The following CASK variants were observed in gnomAD, a reference collection of about 807,000 sequenced individuals.
CASK encodes calcium/calmodulin dependent serine protein kinase, also known as peripheral plasma membrane protein CASK.
CASK carries 4 observed loss-of-function variants against 82.9 expected under a neutral mutation model. That is an observed-to-expected ratio of 0.05 (90% CI 0.02 to 0.11). The LOEUF (loss-of-function observed/expected upper bound fraction) is 0.11, where lower values mean the gene tolerates loss of function less well. Among genes scored for constraint, CASK ranks in the 10% least tolerant of loss-of-function variants. The pLI, the probability that CASK is intolerant of heterozygous loss-of-function variation, is 1.00. For missense variants in CASK, 358 were observed against 720.9 expected (o/e 0.50, Z 5.76); for synonymous variants, 259 against 253.5 (o/e 1.02, Z -0.20).
rs747504097 is a variant in CASK at position 41,628,379 on chromosome X, T to C, written c.916-1676A>G. Among the ~76,000 whole-genome samples, 6 of 111,963 alleles carry C rather than the reference T, an allele frequency of 5.4e-5. No homozygotes were observed. In the South Asian group the frequency reaches 2.2e-3, roughly 42 times the overall value. ...AGTGCAATGGCACAATCTCGGCTCT[T>C]TGCAGTCTCAACCTCTCAGGCTCAA... On this transcript the variant is annotated intron_variant, in intron 9 of 26. Coordinates refer to ENST00000378163, the MANE Select transcript of CASK (RefSeq NM_001367721.1).
In CASK at chrX:41,702,210, AC is replaced by A. The variant is rs1286155725; in HGVS notation, c.430-30681del. 9.1e-5 allele frequency among the ~76,000 whole-genome samples: 10 copies of A among 109,647 alleles called. No homozygotes were observed. In the Admixed American group the frequency reaches 9.7e-4, roughly 11 times the overall value. The stretch of plus-strand genomic sequence containing the variant: ...AGACGAGCCTGACCAACATGGAGAA[AC>A]CCCGTCTCTACTAAAAATACAAAAT... On this transcript the variant is annotated intron_variant, in intron 5 of 26. Transcript: ENST00000378163.
At chrX:41,842,287 C>G (rs2071056005) in intron 2 of CASK, among the ~76,000 whole-genome samples, 1 of 111,234 alleles carries the variant, frequency 9.0e-6, no homozygotes, top group Non-Finnish European at 1.9e-5. Context: ...ATAGAAAATT[C>G]TGGGCCAGGC....
chrX:41,697,508 C>G (rs1207342744), intron 5 of CASK: 1 of 112,001 alleles, frequency 8.9e-6, no homozygotes. Flanking sequence ...ATACATCTTA[C>G]AGAATCATTC....
At chrX:41,815,187 A>C (rs1352553359) in intron 2 of CASK, among the ~76,000 whole-genome samples, 1 of 112,172 alleles carries the variant, frequency 8.9e-6, no homozygotes, top group African/African-American at 3.2e-5. Flanking sequence ...GAGGCTGGTC[A>C]AAAAGAGCAG....
chrX:41,629,224 C>T (rs756302705), intron 9 of CASK, among the ~76,000 whole-genome samples: 1 of 111,377 alleles, frequency 9.0e-6, no homozygotes, highest in African/African-American at 3.3e-5. Context: ...AGCACTCTTA[C>T]GGCCTCAGCC....
intron 2 of CASK, among the ~76,000 whole-genome samples, chrX:41,814,975 A>T (rs2070384075): frequency 9.0e-6 from 1 of 111,451 alleles, no homozygotes; most frequent in Non-Finnish European, 1.9e-5. Flanking sequence ...TCCTGGAAGC[A>T]ATTTCCAGTA....
chrX:41,611,614 T>C (rs1392559120), intron 11 of CASK, among the ~76,000 whole-genome samples: 1 of 75,122 alleles, frequency 1.3e-5, no homozygotes, highest in Non-Finnish European at 2.7e-5. Context: ...CCTCTCCCTC[T>C]CCCTCTCCCT....
chrX:41,873,821 G>A (rs1193219434), intron 1 of CASK, among the ~76,000 whole-genome samples: 7 of 89,411 alleles, frequency 7.8e-5, no homozygotes, highest in African/African-American at 2.6e-4. Flanking sequence ...ACAGAGTCTC[G>A]CTCTGTTGCC....
At chrX:41,827,368 GAA>G (rs1343934657) in intron 2 of CASK, among the ~76,000 whole-genome samples, 1 of 111,706 alleles carries the variant, frequency 9.0e-6, no homozygotes, top group African/African-American at 3.3e-5. Flanking sequence ...TAGAAACTGG[GAA>G]GTCCAAGATC....
rs767276023 is a variant in CASK at position 41,671,444 on chromosome X, A to T, written c.516T>A (p.Ser172=). The T allele has an allele frequency of 2.5e-6, 3 of 1,185,061 alleles. No homozygotes were observed. The highest frequency in any genetic ancestry group is 3.4e-6 in the Non-Finnish European group (3 of 873,593). ...GFGVAIQLGE[S]GLVAGGRVGT... ...CAGTCTTACCTCCAGCTACAAGTCCAGACTCCCCTAATTGAATAGCTACCC... is the reference window on the plus strand; with the variant it reads ...CAGTCTTACCTCCAGCTACAAGTCCTGACTCCCCTAATTGAATAGCTACCC... The change falls in exon 6 of 27, where the codon TCT becomes TCA. Residue 172 remains serine, a synonymous_variant. Coordinates refer to ENST00000378163, the MANE Select transcript of CASK (RefSeq NM_001367721.1).
At chrX:41,898,673 C>T (rs1381976148) in intron 1 of CASK, among the ~76,000 whole-genome samples, 1 of 111,816 alleles carries the variant, frequency 8.9e-6, no homozygotes, top group Non-Finnish European at 1.9e-5. Flanking sequence ...ATTTTCCTTA[C>T]AATTTCTTCT....
At chrX:41,813,007 T>G (rs1475301677) in intron 2 of CASK, among the ~76,000 whole-genome samples, 1 of 111,134 alleles carries the variant, frequency 9.0e-6, no homozygotes, top group Non-Finnish European at 1.9e-5. Flanking sequence ...TCAAAGAGAA[T>G]AAAATACCTA....
chrX:41,586,706 A>G (rs2065662845), intron 14 of CASK: 1 of 404,193 alleles, frequency 2.5e-6, no homozygotes, highest in Non-Finnish European at 4.3e-6. Flanking sequence ...CCACTTCACC[A>G]AGAGTATCTT....
intron 5 of CASK, among the ~76,000 whole-genome samples, chrX:41,733,778 T>C (rs1358152474): frequency 4.5e-5 from 5 of 110,732 alleles, no homozygotes; most frequent in Admixed American, 1.9e-4. Context: ...ATAAAATAAA[T>C]AAAGAATAAA....
chrX:41,671,404 T>TG (rs1179331730), intron 6 of CASK, 24 bp downstream of exon 6: 1 of 958,226 alleles, frequency 1.0e-6, no homozygotes, highest in African/African-American at 1.9e-5. Context: ...TTTGAAGAAT[T>TG]TTTTTTTTTT....
chrX:41,690,737 G>C (rs1449417050), intron 5 of CASK, among the ~76,000 whole-genome samples: 1 of 106,257 alleles, frequency 9.4e-6, no homozygotes, highest in African/African-American at 3.5e-5. Context: ...ACAGTGGAGT[G>C]ATCTAGGATC....
intron 1 of CASK, among the ~76,000 whole-genome samples, chrX:41,899,745 T>C (rs2072334528): frequency 8.9e-6 from 1 of 112,289 alleles, no homozygotes; most frequent in South Asian, 3.6e-4. Context: ...GCAACTATAG[T>C]CATTTTTAAT....
chrX:41,633,029 G>T (rs1352856740), intron 9 of CASK, among the ~76,000 whole-genome samples: 2 of 92,345 alleles, frequency 2.2e-5, no homozygotes, highest in Non-Finnish European at 4.3e-5. Context: ...GGGTGATGGA[G>T]TAAGACTCTC....
At chrX:41,521,854 G>A (rs1222421968) in intron 26 of CASK, among the ~76,000 whole-genome samples, 1 of 112,290 alleles carries the variant, frequency 8.9e-6, no homozygotes, top group Non-Finnish European at 1.9e-5. Flanking sequence ...TGTAATTGCT[G>A]TGCCCCAGCA....
Sources: gnomAD v4.1 joint callset for allele counts (sites outside exome capture counted in the v4.1 genomes callset) on GRCh38, gnomAD v4.1.1 for gene constraint, MANE v1.5 for transcripts, NCBI Gene and HGNC (gene_info 2026-07-23, HGNC 2026-07-21) for gene names.